The following CYSLTR1 variants were observed in gnomAD, a reference collection of about 807,000 sequenced individuals.
The protein encoded by CYSLTR1 is G-protein coupled receptor HG55.
CYSLTR1 carries 1 observed loss-of-function variant against 2.1 expected under a neutral mutation model. The ratio of observed to expected loss-of-function variants is 0.48; its 90% CI spans 0.17 to 2.28. The LOEUF is 2.28. CYSLTR1 is among the 30% of genes most tolerant of loss of function. The pLI is 0.26. For synonymous variants in CYSLTR1, 110 were observed against 89.6 expected (o/e 1.23, Z -1.28); for missense variants, 299 against 250.1 (o/e 1.20, Z -1.32).
intron 1 of CYSLTR1, among the ~76,000 whole-genome samples, chrX:78,306,603 G>A (rs191356989): frequency 6.9e-4 from 77 of 111,833 alleles, no homozygotes; most frequent in African/African-American, 1.0e-3. Flanking sequence ...TTCTAATGAA[G>A]CAAATACAAT....
intron 1 of CYSLTR1, among the ~76,000 whole-genome samples, chrX:78,289,261 G>A (rs1420478114): frequency 9.0e-6 from 1 of 111,237 alleles, no homozygotes. Context: ...AGGGCTTCTA[G>A]CTTCATCCAT....
chrX:78,323,942 C>T (rs1048461635), intron 1 of CYSLTR1, among the ~76,000 whole-genome samples: 1 of 111,809 alleles, frequency 8.9e-6, no homozygotes, highest in South Asian at 3.7e-4. Context: ...TTACTCTTCT[C>T]TCTCTTTTCC....
intron 1 of CYSLTR1, among the ~76,000 whole-genome samples, chrX:78,298,052 A>G (rs761016477): frequency 9.0e-6 from 1 of 111,054 alleles, no homozygotes; most frequent in African/African-American, 3.3e-5. Flanking sequence ...GCTATATCCC[A>G]TAGGTTTTGG....
At chrX:78,318,637 G>A (rs762820179) in intron 1 of CYSLTR1, among the ~76,000 whole-genome samples, 9 of 112,170 alleles carry the variant, frequency 8.0e-5, no homozygotes, top group Non-Finnish European at 1.5e-4. Context: ...ATTTTCAGCT[G>A]CTTATTAGAT....
At chrX:78,316,303 A>G (rs1923416467) in intron 1 of CYSLTR1, among the ~76,000 whole-genome samples, 1 of 111,841 alleles carries the variant, frequency 8.9e-6, no homozygotes, top group Admixed American at 9.5e-5. Flanking sequence ...GAAGTTTCCA[A>G]CTGGATTTTG....
At chrX:78,322,849 C>T (rs756759209) in intron 1 of CYSLTR1, among the ~76,000 whole-genome samples, 8 of 111,451 alleles carry the variant, frequency 7.2e-5, no homozygotes, top group Non-Finnish European at 1.1e-4. Context: ...AAGAGGAGAA[C>T]GTCAAACCCA....
intron 1 of CYSLTR1, among the ~76,000 whole-genome samples, chrX:78,302,228 G>A (rs1922848219): frequency 8.9e-6 from 1 of 112,260 alleles, no homozygotes; most frequent in African/African-American, 3.2e-5. Context: ...CCAGACTACT[G>A]TCAATGTTCC....
intron 1 of CYSLTR1, chrX:78,321,431 C>T (rs1046796258): frequency 9.1e-6 from 1 of 110,494 alleles, no homozygotes; most frequent in Non-Finnish European, 1.9e-5. Context: ...TGGCTCATGC[C>T]TGTAATCCCA....
At chrX:78,283,691 G>A (rs1409976069) in intron 1 of CYSLTR1, among the ~76,000 whole-genome samples, 151 bp from the exon 2 acceptor site, 4 of 112,067 alleles carry the variant, frequency 3.6e-5, no homozygotes, top group Non-Finnish European at 5.6e-5. Context: ...TGAATTCTGT[G>A]TCTCCTTCTT....
intron 1 of CYSLTR1, among the ~76,000 whole-genome samples, chrX:78,304,981 A>G (rs1428668877): frequency 9.0e-6 from 1 of 111,718 alleles, no homozygotes; most frequent in Non-Finnish European, 1.9e-5. Context: ...GTGCATCTAC[A>G]TCTTGTTATT....
chrX:78,301,860 T>G (rs1922833314), intron 1 of CYSLTR1, among the ~76,000 whole-genome samples: 1 of 112,027 alleles, frequency 8.9e-6, no homozygotes, highest in Non-Finnish European at 1.9e-5. Flanking sequence ...AAAAAGAGGT[T>G]TAATTGACTC....
intron 1 of CYSLTR1, chrX:78,320,959 C>G (rs1366614716): frequency 5.4e-5 from 6 of 111,531 alleles, no homozygotes; most frequent in African/African-American, 2.0e-4. Context: ...GTCTGTCACA[C>G]CCATTTAGAC....
At chrX:78,279,780 A>G (rs188884014) in intron 2 of CYSLTR1, among the ~76,000 whole-genome samples, 42 of 112,387 alleles carry the variant, frequency 3.7e-4, no homozygotes, top group Non-Finnish European at 6.8e-4. Context: ...AAAGCATTAA[A>G]TAACGTCCTT....
chrX:78,289,054 G>A (rs1157840725), intron 1 of CYSLTR1, among the ~76,000 whole-genome samples: 72 of 109,623 alleles, frequency 6.6e-4, no homozygotes, highest in African/African-American at 2.3e-3. Context: ...ATGTTGGTTC[G>A]CTGCACCCAT....
rs1479001463 is a variant in CYSLTR1, at chrX:78,274,029, T to G, written c.-27-256A>C. ...GGACTTCCTCTAAATCTTCAAGACC[T>G]AGGTGAAACAGCCCTCCTGTATTTT... On this transcript the variant is annotated intron_variant, in intron 2 of 2. Coordinates refer to ENST00000373304, the MANE Select transcript of CYSLTR1 (RefSeq NM_006639.4). Among the ~76,000 whole-genome samples the G allele has an allele frequency of 2.7e-5, 3 of 111,047 alleles. No individual in the cohort carries two copies. The East Asian group carries it at 8.4e-4, about 31-fold the overall frequency.
At position 78,272,589 on chromosome X, in the gene CYSLTR1, G is replaced by C. The variant is rs199796245; in HGVS notation, c.*144C>G. The C allele has an allele frequency of 1.0e-5, 5 of 495,362 alleles. No homozygotes were observed. Among genetic ancestry groups the C allele is most frequent in the Non-Finnish European group, 1.5e-5 (5 of 328,869 alleles). The allele number at this position is 495,362 out of a possible 1,213,427, so 40.8% of individuals were successfully genotyped here. A position where few individuals can be genotyped will look rare whatever the true frequency, so the allele number is the denominator to read the frequency against. ...TCTATAAATATCTAATCATGTGGATGCATAAATGAGATAGAGTTGTAGGCC... is the reference window on the plus strand; with the variant it reads ...TCTATAAATATCTAATCATGTGGATCCATAAATGAGATAGAGTTGTAGGCC... On this transcript the variant is annotated 3_prime_UTR_variant, in exon 3 of 3. Coordinates refer to ENST00000373304, the MANE Select transcript of CYSLTR1 (RefSeq NM_006639.4).
At chrX:78,286,546 T>A (rs1204239278) in intron 1 of CYSLTR1, among the ~76,000 whole-genome samples, 3 of 110,587 alleles carry the variant, frequency 2.7e-5, no homozygotes, top group African/African-American at 9.9e-5. Flanking sequence ...GTGCACAATG[T>A]GCAGGTTAGT....
chrX:78,291,133 C>A (rs977168434), intron 1 of CYSLTR1, among the ~76,000 whole-genome samples: 10 of 111,729 alleles, frequency 9.0e-5, no homozygotes, highest in African/African-American at 3.3e-4. Context: ...TACATCCCAT[C>A]AATACCTAAT....
chrX:78,294,782 C>T (rs556275694), intron 1 of CYSLTR1, among the ~76,000 whole-genome samples: 29 of 112,712 alleles, frequency 2.6e-4, no homozygotes, highest in African/African-American at 7.7e-4. Flanking sequence ...TGTGACCTGC[C>T]GAGCTAGGCA....
Sources: gnomAD v4.1 joint callset for allele counts (sites outside exome capture counted in the v4.1 genomes callset) on GRCh38, gnomAD v4.1.1 for gene constraint, MANE v1.5 for transcripts, NCBI Gene and HGNC (gene_info 2026-07-23, HGNC 2026-07-21) for gene names.